The following KIF6 variants were observed in gnomAD, a reference collection of about 807,000 sequenced individuals.
The protein encoded by KIF6 is kinesin-like protein KIF6.
KIF6 carries 106 observed loss-of-function variants against 112.7 expected under a neutral mutation model. The observed-to-expected ratio is 0.94, with a 90% confidence interval of 0.80 to 1.11. The LOEUF is 1.11. KIF6 is among the 50% of genes least tolerant of loss of function. The pLI is 0.00. For synonymous variants in KIF6, 339 were observed against 339.9 expected (o/e 1.00, Z 0.03); for missense variants, 929 against 964.0 (o/e 0.96, Z 0.48).
intron 3 of KIF6, among the ~76,000 whole-genome samples, chr6:39,693,373 G>T (rs551954628): frequency 7.2e-5 from 11 of 152,276 alleles, no homozygotes; most frequent in Admixed American, 6.5e-5. Flanking sequence ...CAAAACCCCA[G>T]ATTTTAATTG....
intron 13 of KIF6, among the ~76,000 whole-genome samples, chr6:39,494,539 A>G (rs149393040): frequency 6.6e-6 from 1 of 152,246 alleles, no homozygotes; most frequent in Non-Finnish European, 1.5e-5. Flanking sequence ...TCATTTGAAC[A>G]AAAGCATATG....
intron 13 of KIF6, among the ~76,000 whole-genome samples, chr6:39,454,717 G>A (rs1772937780): frequency 6.6e-6 from 1 of 152,272 alleles, no homozygotes. Context: ...GGAAGCGCAA[G>A]GGGTCAGGGA....
intron 6 of KIF6, among the ~76,000 whole-genome samples, chr6:39,603,982 T>G (rs771938743): frequency 6.6e-6 from 1 of 152,170 alleles, no homozygotes; most frequent in African/African-American, 2.4e-5. Flanking sequence ...TCTTTTCGAT[T>G]GAACAGGACA....
intron 19 of KIF6, among the ~76,000 whole-genome samples, chr6:39,348,812 C>T (rs1448143044): frequency 1.3e-5 from 2 of 152,180 alleles, no homozygotes; most frequent in Non-Finnish European, 2.9e-5. Context: ...GCCCCGCTAC[C>T]CCCAGTTCCC....
chr6:39,346,333 GT>G, intron 20 of KIF6, 142 bp downstream of exon 20: 1 of 701,916 alleles, frequency 1.4e-6, no homozygotes, highest in South Asian at 1.5e-5. Context: ...CCTTTGGGTG[GT>G]GATTAAGTCA....
In KIF6 at chr6:39,334,396, C is replaced by T. The variant is rs1358289520; in HGVS notation, c.*2136G>A. On this transcript the variant is annotated 3_prime_UTR_variant, in exon 23 of 23. Transcript: ENST00000287152. Reference sequence around the variant, plus strand: ...AGGAATTTGAGACCATCCTGAGCCACACAGTGAGACCCTGTCTCTACAAAA... The same window carrying T: ...AGGAATTTGAGACCATCCTGAGCCATACAGTGAGACCCTGTCTCTACAAAA... 6.6e-6 allele frequency: 1 copy of T among 152,284 alleles called. No individual in the cohort carries two copies. Among genetic ancestry groups the T allele is most frequent in the Non-Finnish European group, 1.5e-5 (1 of 68,104 alleles). 9.4% of individuals were successfully genotyped at this position (152,284 alleles called of 1,614,324 possible).
intron 13 of KIF6, among the ~76,000 whole-genome samples, chr6:39,479,713 T>A (rs1203207593): frequency 6.6e-6 from 1 of 152,204 alleles, no homozygotes; most frequent in Non-Finnish European, 1.5e-5. Flanking sequence ...ACAATATTGA[T>A]TCTATCCATC....
At chr6:39,465,788 C>T (rs1319418770) in intron 13 of KIF6, among the ~76,000 whole-genome samples, 1 of 152,236 alleles carries the variant, frequency 6.6e-6, no homozygotes, top group Non-Finnish European at 1.5e-5. Flanking sequence ...CACTCAACTA[C>T]TTGGCATCCT....
intron 10 of KIF6, among the ~76,000 whole-genome samples, chr6:39,573,083 T>C (rs1188410207): frequency 6.6e-6 from 1 of 151,720 alleles, no homozygotes; most frequent in African/African-American, 2.4e-5. Context: ...CCTTATGCCA[T>C]GCCAATCAAC....
intron 3 of KIF6, among the ~76,000 whole-genome samples, chr6:39,653,321 A>T (rs1030903802): frequency 6.6e-6 from 1 of 152,216 alleles, no homozygotes; most frequent in African/African-American, 2.4e-5. Flanking sequence ...TACAACAAAA[A>T]ATCTGTATCA....
chr6:39,706,799 T>A (rs749497440), intron 3 of KIF6, among the ~76,000 whole-genome samples: 4 of 152,146 alleles, frequency 2.6e-5, no homozygotes, highest in Non-Finnish European at 5.9e-5. Flanking sequence ...AAAAACAAAA[T>A]GTCACTGGTG....
intron 10 of KIF6, among the ~76,000 whole-genome samples, chr6:39,572,546 G>A (rs941040193): frequency 1.3e-5 from 2 of 151,818 alleles, no homozygotes; most frequent in African/African-American, 4.8e-5. Flanking sequence ...AAGAGTTAAT[G>A]AGGTCCAATT....
chr6:39,591,732 A>G (rs1487229066), intron 7 of KIF6, among the ~76,000 whole-genome samples: 1 of 152,210 alleles, frequency 6.6e-6, no homozygotes, highest in Non-Finnish European at 1.5e-5. Flanking sequence ...GCAGAGGTAG[A>G]TTATTCTTTG....
At chr6:39,585,037 T>C (rs1319763483) in intron 8 of KIF6, 53 bp from the exon 9 acceptor site, 4 of 1,027,764 alleles carry the variant, frequency 3.9e-6, no homozygotes, top group Non-Finnish European at 6.0e-6. Flanking sequence ...AGATATTTCT[T>C]TCTAGATAAA....
In KIF6 at chr6:39,343,694, G is replaced by A. The variant is rs1451572924; in HGVS notation, c.2428+15C>T. On this transcript the variant is annotated intron_variant, in intron 22 of 22. Coordinates refer to ENST00000287152, the MANE Select transcript of KIF6 (RefSeq NM_145027.6). The surrounding 1 kb of genome is among the most constrained non-coding windows in gnomAD (Gnocchi z 4.1). Reference sequence around the variant, plus strand: ...CCTGCTGCCCAGGAGGAGCCACCGAGGGAGGTGCACTTACATTGCTTCTGC... The same window carrying A: ...CCTGCTGCCCAGGAGGAGCCACCGAAGGAGGTGCACTTACATTGCTTCTGC... The A allele has an allele frequency of 1.3e-6, 2 of 1,581,830 alleles. No homozygotes were observed. The highest frequency in any genetic ancestry group is 8.6e-7 in the Non-Finnish European group (1 of 1,159,454).
chr6:39,499,176 G>A (rs1562266365), intron 13 of KIF6, among the ~76,000 whole-genome samples: 1 of 152,176 alleles, frequency 6.6e-6, no homozygotes, highest in Admixed American at 6.5e-5. Flanking sequence ...GAGTCCCATA[G>A]GGTACAGGCC....
At chr6:39,500,995 T>C (rs548640081) in intron 13 of KIF6, among the ~76,000 whole-genome samples, 1 of 152,196 alleles carries the variant, frequency 6.6e-6, no homozygotes, top group African/African-American at 2.4e-5. Flanking sequence ...TGGAGAGGAA[T>C]GGAAGGGGCG....
At chr6:39,724,027 C>T (rs1050603673) in intron 1 of KIF6, among the ~76,000 whole-genome samples, 2 of 152,154 alleles carry the variant, frequency 1.3e-5, no homozygotes, top group Non-Finnish European at 2.9e-5. Context: ...ATGACACCAA[C>T]CTTGCAGGGT....
chr6:39,708,461 T>C (rs771634680), intron 3 of KIF6, among the ~76,000 whole-genome samples: 44 of 152,280 alleles, frequency 2.9e-4, no homozygotes, highest in African/African-American at 6.5e-4. Flanking sequence ...AAAGCCAACC[T>C]CATTGGCCTT....
Sources: allele counts gnomAD v4.1 joint callset (sites outside exome capture counted in the v4.1 genomes callset), GRCh38; gene constraint gnomAD v4.1.1; non-coding constraint Gnocchi (gnomAD v3.1); transcripts MANE v1.5; gene names NCBI Gene and HGNC (gene_info 2026-07-23, HGNC 2026-07-21).